Variants in DGKB observed in about 807,000 individuals in gnomAD.
DGKB encodes the protein diacylglycerol kinase beta, also known as 90 kDa diacylglycerol kinase.
DGKB carries 67 observed loss-of-function variants against 114.3 expected under a neutral mutation model. The ratio of observed to expected loss-of-function variants is 0.59; its 90% CI spans 0.48 to 0.72. The LOEUF (loss-of-function observed/expected upper bound fraction) is 0.72. Among genes scored for constraint, DGKB ranks in the 30% least tolerant of loss-of-function variants. DGKB has a pLI of 0.00. For missense variants in DGKB, 907 were observed against 975.2 expected (o/e 0.93, Z 0.93); for synonymous variants, 398 against 323.1 (o/e 1.23, Z -2.49).
chr7:14,713,297 A>G (rs2128338442), intron 6 of DGKB, among the ~76,000 whole-genome samples: 1 of 152,236 alleles, frequency 6.6e-6, no homozygotes, highest in South Asian at 2.1e-4. Flanking sequence ...TGAGCATTAT[A>G]TGATATATGT....
intron 23 of DGKB, among the ~76,000 whole-genome samples, chr7:14,247,358 A>G (rs1388280940): frequency 1.3e-5 from 2 of 152,100 alleles, no homozygotes; most frequent in African/African-American, 4.8e-5. Flanking sequence ...TCATTTTCTT[A>G]TATGTACCCA....
rs35076747 is a variant in DGKB, at chr7:14,483,009, AT to A, written c.1771-4785del. Among the ~76,000 whole-genome samples the A allele has an allele frequency of 4.8e-3, 687 of 144,438 alleles. 1 individual carries two copies. Among genetic ancestry groups the A allele is most frequent in the Middle Eastern group, 0.011 (3 of 274 alleles). The allele number at this position is 144,438 out of a possible 152,430, so 94.8% of individuals were successfully genotyped here. On this transcript the variant is annotated intron_variant, in intron 20 of 25. Transcript: ENST00000402815. ...ATCATCTGTGAAATGTTGGCCTGGCATTTTTTTTTTTGGAGAAGTTAACGTT... is the reference window on the plus strand; with the variant it reads ...ATCATCTGTGAAATGTTGGCCTGGCATTTTTTTTTTGGAGAAGTTAACGTT...
In DGKB at chr7:14,324,807, C is replaced by T. The variant is rs148053994; in HGVS notation, c.2122+13708G>A. 8.2e-3 allele frequency among the ~76,000 whole-genome samples: 1,128 copies of T among 137,322 alleles called. 2 individuals are homozygous for T. The highest frequency in any genetic ancestry group is 0.012 in the Non-Finnish European group (766 of 64,044). The allele number at this position is 137,322 out of a possible 152,430, so 90.1% of individuals were successfully genotyped here. A position where few individuals can be genotyped will look rare whatever the true frequency, so the allele number is the denominator to read the frequency against. The stretch of plus-strand genomic sequence containing the variant: ...AAAGTCCTGAGACCTCACAGTTTCC[C>T]TGAGAGTTGCAAGTGTCCTGCAATG... On this transcript the variant is annotated intron_variant, in intron 23 of 25. Transcript: ENST00000402815.
chr7:14,824,620 T>C (rs1224842063), intron 2 of DGKB, among the ~76,000 whole-genome samples: 2 of 152,126 alleles, frequency 1.3e-5, no homozygotes, highest in African/African-American at 4.8e-5. Flanking sequence ...TAAAGAAATA[T>C]TGGTAAAGAT....
chr7:14,969,659 C>T (rs943465127), intron 1 of DGKB, among the ~76,000 whole-genome samples: 1 of 152,052 alleles, frequency 6.6e-6, no homozygotes, highest in Non-Finnish European at 1.5e-5. Flanking sequence ...GAGTCTAATG[C>T]CTGATGATCC....
At chr7:14,434,884 A>G (rs1829006815) in intron 21 of DGKB, among the ~76,000 whole-genome samples, 3 of 152,136 alleles carry the variant, frequency 2.0e-5, no homozygotes, top group African/African-American at 4.8e-5. Context: ...GCATATACCA[A>G]TGGTTGATCG....
At chr7:14,229,028 A>C (rs998846099) in intron 23 of DGKB, among the ~76,000 whole-genome samples, 1 of 151,994 alleles carries the variant, frequency 6.6e-6, no homozygotes, top group African/African-American at 2.4e-5. Context: ...GAAATTATAC[A>C]CAAAACCAAT....
In DGKB at chr7:14,682,623, T is replaced by C. The variant is rs751914843; in HGVS notation, c.965A>G (p.Asp322Gly). 2 of 1,613,620 alleles carry C rather than the reference T, an allele frequency of 1.2e-6. No homozygotes were observed. Among genetic ancestry groups the C allele is most frequent in the Admixed American group, 1.7e-5 (1 of 59,994 alleles). The part of the protein sequence containing the change: ...WVEGNCPTKC[D>G]KCHKTVKCYQ... ...ACATTTAACAGTTTTGTGGCACTTA[T>C]CACACTTGGTTGGGCAGTTACCTTC... Residue 322 changes from aspartate (D) to glycine (G), a missense_variant, in exon 12 of 26, where the codon GAT becomes GGT. Around this residue, in one of 3 missense-constraint regions of DGKB, gnomAD observed 814 missense variants for 856.6 expected, o/e 0.95. Coordinates refer to ENST00000402815, the MANE Select transcript of DGKB (RefSeq NM_001350709.2).
At chr7:14,494,220 A>G (rs1479486972) in intron 20 of DGKB, among the ~76,000 whole-genome samples, 1 of 152,020 alleles carries the variant, frequency 6.6e-6, no homozygotes, top group Non-Finnish European at 1.5e-5. Context: ...TCCTTAAAAG[A>G]GTATATTTTC....
intron 23 of DGKB, among the ~76,000 whole-genome samples, chr7:14,183,699 G>A (rs1050202256): frequency 6.6e-6 from 1 of 152,128 alleles, no homozygotes. Context: ...TTGAAAATCT[G>A]GTTTTCTAAA....
At position 14,145,384 on chromosome 7, in the gene DGKB, C is replaced by T. The variant is rs570214043; in HGVS notation, c.*3747G>A. 1.3e-5 allele frequency: 2 copies of T among 151,648 alleles called. No homozygotes were observed. The highest frequency in any genetic ancestry group is 2.4e-5 in the African/African-American group (1 of 41,302). The allele number at this position is 151,648 out of a possible 1,614,324, so 9.4% of individuals were successfully genotyped here. A position where few individuals can be genotyped will look rare whatever the true frequency, so the allele number is the denominator to read the frequency against. Reference sequence around the variant, plus strand: ...TTGAAAAATAACGGAGAACATGATTCAATATTATTCAATTATTATTTAATT... The same window carrying T: ...TTGAAAAATAACGGAGAACATGATTTAATATTATTCAATTATTATTTAATT... On this transcript the variant is annotated 3_prime_UTR_variant, in exon 26 of 26. Transcript: ENST00000402815.
At position 14,572,728 on chromosome 7, in the gene DGKB, G is replaced by T. The variant is rs991071528; in HGVS notation, c.1770+1484C>A. Among the ~76,000 whole-genome samples the T allele has an allele frequency of 5.3e-5, 8 of 152,158 alleles. No individual in the cohort carries two copies. In the South Asian group the frequency reaches 1.7e-3, roughly 32 times the overall value. ...CCATGCCACAGAATCCTATTCAACA[G>T]CAAAAAGGGAAACAATATTTATACA... On this transcript the variant is annotated intron_variant, in intron 20 of 25. Coordinates refer to ENST00000402815, the MANE Select transcript of DGKB (RefSeq NM_001350709.2).
intron 15 of DGKB, among the ~76,000 whole-genome samples, chr7:14,620,379 A>T (rs17603341): frequency 0.27 from 41,149 of 151,094 alleles, 6,478 homozygotes; most frequent in East Asian, 0.69. Flanking sequence ...ATTCAAGATG[A>T]TAAAGAAGCA....
chr7:14,357,649 C>G (rs1002813438), intron 21 of DGKB, among the ~76,000 whole-genome samples: 1 of 152,126 alleles, frequency 6.6e-6, no homozygotes, highest in Non-Finnish European at 1.5e-5. Context: ...ATGATGTTAG[C>G]TGGTTATTTT....
At chr7:14,216,636 G>T (rs573549036) in intron 23 of DGKB, among the ~76,000 whole-genome samples, 51 of 142,078 alleles carry the variant, frequency 3.6e-4, no homozygotes, top group African/African-American at 1.3e-3. Context: ...TGAAGCAGGA[G>T]AATCACTTGA....
At chr7:14,152,362 T>C (rs1220307798) in intron 25 of DGKB, among the ~76,000 whole-genome samples, 1 of 152,008 alleles carries the variant, frequency 6.6e-6, no homozygotes, top group East Asian at 1.9e-4. Context: ...TCTAAGAGAC[T>C]CTGACATTAT....
intron 9 of DGKB, among the ~76,000 whole-genome samples, chr7:14,689,209 T>TTTTTTATTA (rs1554599174): frequency 8.1e-6 from 1 of 123,786 alleles, no homozygotes; most frequent in Admixed American, 7.9e-5. Context: ...ATTTTTTTTT[T>TTTTTTATTA]TTTTTTTTTT....
At chr7:14,340,923 GA>G (rs1462848521) in intron 22 of DGKB, among the ~76,000 whole-genome samples, 3 of 151,486 alleles carry the variant, frequency 2.0e-5, no homozygotes, top group Non-Finnish European at 4.4e-5. Context: ...GTTACTTTCA[GA>G]ATTAGTGAAG....
At chr7:14,189,438 G>A (rs969872296) in intron 23 of DGKB, among the ~76,000 whole-genome samples, 1 of 151,852 alleles carries the variant, frequency 6.6e-6, no homozygotes, top group African/African-American at 2.4e-5. Context: ...AGAAAATAAA[G>A]CTTAGCACCA....
Sources: gnomAD v4.1 joint callset for allele counts (sites outside exome capture counted in the v4.1 genomes callset) on GRCh38, gnomAD v4.1.1 for gene constraint, gnomAD v4.1.1 regional missense constraint, MANE v1.5 for transcripts, NCBI Gene and HGNC (gene_info 2026-07-23, HGNC 2026-07-21) for gene names.